The following LRP1B variants were observed in gnomAD, a reference collection of about 807,000 sequenced individuals.
LRP1B encodes the protein LDL receptor related protein 1B.
A neutral mutation model predicts 556.6 loss-of-function variants in LRP1B; 217 were observed. The observed-to-expected ratio is 0.39, with a 90% CI of 0.35 to 0.44. LRP1B has a LOEUF of 0.44. Among genes scored for constraint, LRP1B ranks in the 20% least tolerant of loss-of-function variants. The pLI is 1.00. For synonymous variants in LRP1B, 2,047 were observed against 1,865.8 expected (o/e 1.10, Z -2.50); for missense variants, 5,053 against 5,620.8 (o/e 0.90, Z 3.23).
At chr2:140,719,791 G>A (rs1191609533) in intron 35 of LRP1B, among the ~76,000 whole-genome samples, 1 of 152,016 alleles carries the variant, frequency 6.6e-6, no homozygotes, top group Non-Finnish European at 1.5e-5. Flanking sequence ...TTAATCATGT[G>A]ATGATGCATT....
intron 7 of LRP1B, among the ~76,000 whole-genome samples, chr2:141,178,528 G>A (rs1042785595): frequency 6.6e-5 from 10 of 152,120 alleles, no homozygotes; most frequent in African/African-American, 2.4e-4. Context: ...CTGCAAGTCA[G>A]CTGGAGATCC....
chr2:140,941,392 G>T (rs1172549669), intron 20 of LRP1B, among the ~76,000 whole-genome samples: 1 of 152,114 alleles, frequency 6.6e-6, no homozygotes, highest in Non-Finnish European at 1.5e-5. Context: ...GGCAACACAG[G>T]TACCATGGGT....
intron 68 of LRP1B, among the ~76,000 whole-genome samples, chr2:140,376,928 C>A (rs1683257180): frequency 6.6e-6 from 1 of 152,120 alleles, no homozygotes; most frequent in South Asian, 2.1e-4. Flanking sequence ...ACAGAAACCT[C>A]CAGAGCTGCA....
chr2:141,723,433 T>A (rs1345778281), intron 2 of LRP1B, among the ~76,000 whole-genome samples: 1 of 151,396 alleles, frequency 6.6e-6, no homozygotes, highest in South Asian at 2.1e-4. Flanking sequence ...AGATGCAAAT[T>A]TACTTAATTC....
intron 59 of LRP1B, among the ~76,000 whole-genome samples, chr2:140,484,311 T>C (rs1016803912): frequency 5.9e-5 from 9 of 152,176 alleles, no homozygotes; most frequent in Non-Finnish European, 5.9e-5. Context: ...ATGACATGAT[T>C]ACTTTGCCAA....
chr2:140,838,312 A>G (rs1226499550), intron 31 of LRP1B, among the ~76,000 whole-genome samples: 1 of 152,144 alleles, frequency 6.6e-6, no homozygotes, highest in Non-Finnish European at 1.5e-5. Context: ...TATGGGTCCT[A>G]ATCTTGTAGA....
At chr2:141,797,184 T>G (rs1335269207) in intron 2 of LRP1B, among the ~76,000 whole-genome samples, 1 of 129,180 alleles carries the variant, frequency 7.7e-6, no homozygotes, top group Non-Finnish European at 1.6e-5. Context: ...TATATATATA[T>G]ATAACTATAT....
At chr2:140,630,873 T>C (rs1292290648) in intron 41 of LRP1B, among the ~76,000 whole-genome samples, 1 of 152,302 alleles carries the variant, frequency 6.6e-6, no homozygotes, top group East Asian at 1.9e-4. Context: ...GGAAAACTTG[T>C]GAAGGTCACA....
At chr2:141,093,886 T>C (rs1700232416) in intron 7 of LRP1B, among the ~76,000 whole-genome samples, 1 of 152,070 alleles carries the variant, frequency 6.6e-6, no homozygotes, top group Non-Finnish European at 1.5e-5. Flanking sequence ...GGCTAATTTT[T>C]TTGTATTTTT....
chr2:141,374,263 C>T (rs1485679970), intron 3 of LRP1B, among the ~76,000 whole-genome samples: 1 of 152,068 alleles, frequency 6.6e-6, no homozygotes, highest in African/African-American at 2.4e-5. Flanking sequence ...AATGGGATTT[C>T]CTGTATAGGT....
chr2:140,463,750 A>T (rs988374610), intron 60 of LRP1B, among the ~76,000 whole-genome samples: 1 of 152,196 alleles, frequency 6.6e-6, no homozygotes, highest in Non-Finnish European at 1.5e-5. Context: ...GTGCAGGAAG[A>T]TCAGAGCTGA....
chr2:140,800,926 T>C (rs1405717486), intron 32 of LRP1B, among the ~76,000 whole-genome samples: 1 of 152,196 alleles, frequency 6.6e-6, no homozygotes, highest in Non-Finnish European at 1.5e-5. Context: ...TTTTAATATG[T>C]GTTTCAATAA....
intron 13 of LRP1B, among the ~76,000 whole-genome samples, chr2:141,014,454 T>C (rs747755221): frequency 5.3e-5 from 8 of 152,076 alleles, no homozygotes; most frequent in Non-Finnish European, 1.2e-4. Flanking sequence ...TGTAGGATTT[T>C]AGAAGGGGAA....
intron 41 of LRP1B, among the ~76,000 whole-genome samples, chr2:140,687,629 A>C (rs1686096194): frequency 6.6e-6 from 1 of 151,766 alleles, no homozygotes; most frequent in South Asian, 2.1e-4. Context: ...CTCTCTCAGT[A>C]TTTTTAACCA....
intron 7 of LRP1B, among the ~76,000 whole-genome samples, chr2:141,144,283 GTAAC>G (rs1278791143): frequency 6.6e-5 from 10 of 152,150 alleles, no homozygotes; most frequent in Non-Finnish European, 1.5e-4. Context: ...ATGTATTTAA[GTAAC>G]TAACTTATCC....
chr2:140,685,527 T>TA (rs924414688), intron 41 of LRP1B, among the ~76,000 whole-genome samples: 2 of 152,176 alleles, frequency 1.3e-5, no homozygotes, highest in African/African-American at 2.4e-5. Flanking sequence ...TCAATCTAGA[T>TA]AAACATCCTG....
At chr2:141,573,560 C>A (rs1686613214) in intron 2 of LRP1B, among the ~76,000 whole-genome samples, 1 of 143,218 alleles carries the variant, frequency 7.0e-6, no homozygotes, top group Non-Finnish European at 1.5e-5. Context: ...CAAGCTAATC[C>A]AAAAGCTAGC....
At chr2:141,518,424 T>C (rs551867369) in intron 2 of LRP1B, among the ~76,000 whole-genome samples, 5 of 152,304 alleles carry the variant, frequency 3.3e-5, no homozygotes, top group African/African-American at 1.2e-4. Flanking sequence ...GTTTTGAATA[T>C]AGGCTACTTT....
At chr2:140,947,936 T>C (rs1695590253) in intron 20 of LRP1B, among the ~76,000 whole-genome samples, 2 of 152,252 alleles carry the variant, frequency 1.3e-5, no homozygotes, top group South Asian at 2.1e-4. Flanking sequence ...ACCCATACAG[T>C]AATCTACTAG....
Sources: gnomAD v4.1 joint callset for allele counts (sites outside exome capture counted in the v4.1 genomes callset) on GRCh38, gnomAD v4.1.1 for gene constraint, MANE v1.5 for transcripts, NCBI Gene and HGNC (gene_info 2026-07-23, HGNC 2026-07-21) for gene names.